ENGASE: variants seen among roughly 807,000 people sequenced by gnomAD.
The protein encoded by ENGASE is endo-beta-N-acetylglucosaminidase.
In ENGASE, 69 loss-of-function variants were observed where a neutral mutation model predicts 78.5. The ratio of observed to expected loss-of-function variants is 0.88; its 90% CI spans 0.72 to 1.07. The LOEUF is 1.07. Ranked by LOEUF, ENGASE falls within the 50% of genes least tolerant of loss-of-function variation. ENGASE has a pLI of 0.00. For missense variants in ENGASE, 943 were observed against 988.4 expected (o/e 0.95, Z 0.62); for synonymous variants, 408 against 408.9 (o/e 1.00, Z 0.03).
At position 79,079,659 on chromosome 17, in the gene ENGASE, C is replaced by T. The variant is rs73408697; in HGVS notation, c.565+22C>T. On this transcript the variant is annotated intron_variant, in intron 4 of 13. Coordinates refer to ENST00000579016, the MANE Select transcript of ENGASE (RefSeq NM_001042573.3). ...CTGGGTAAGAGCCAAGGACTCACCT[C>T]TGTGTCAGCCAGACTCCTCAGCTCA... is the stretch of plus-strand genomic sequence containing the variant. 1,242 of 1,606,060 alleles carry T rather than the reference C, an allele frequency of 7.7e-4. 15 individuals are homozygous for T. In the African/African-American group the frequency reaches 0.015, roughly 20 times the overall value.
Position 79,082,333 on chromosome 17 carries a change from C to T in ENGASE, c.1038+270C>T, listed in dbSNP as rs909464413. ...AGAGGCGCGTCGTTCCCCCGCTGTC[C>T]GGTCCTCGGCGGGCCTGGGCCTCCT... On this transcript the variant is annotated intron_variant, in intron 7 of 13. Transcript: ENST00000579016. 3.4e-4 allele frequency: 451 copies of T among 1,339,382 alleles called. 1 individual carries two copies. Among genetic ancestry groups the T allele is most frequent in the Non-Finnish European group, 4.1e-4 (424 of 1,034,290 alleles). The allele number at this position is 1,339,382 out of a possible 1,614,324, so 83.0% of individuals were successfully genotyped here. A position where few individuals can be genotyped will look rare whatever the true frequency, so the allele number is the denominator to read the frequency against.
chr17:79,086,828 C>A lies in ENGASE; in HGVS notation c.*479C>A, dbSNP rs1403438855. On this transcript the variant is annotated 3_prime_UTR_variant, in exon 14 of 14. Transcript: ENST00000579016. ...AGCATGAGGACGAGCTACAGCAGCT[C>A]CTGGGGTGGGGCTGCCTGCGGGATG... 6 of 419,362 alleles carry A rather than the reference C, an allele frequency of 1.4e-5. No individual in the cohort carries two copies. Among genetic ancestry groups the A allele is most frequent in the Non-Finnish European group, 2.4e-5 (5 of 207,990 alleles). 26.0% of individuals were successfully genotyped at this position (419,362 alleles called of 1,614,324 possible).
chr17:79,082,941 C>G, intron 7 of ENGASE, 79 bp from the exon 8 acceptor site: 4 of 1,584,958 alleles, frequency 2.5e-6, no homozygotes, highest in Non-Finnish European at 3.4e-6. Context: ...CCTGAGAGCC[C>G]CAACCCACGT....
chr17:79,080,390 C>A lies in ENGASE; in HGVS notation c.723+26C>A. On this transcript the variant is annotated intron_variant, in intron 5 of 13. Coordinates refer to ENST00000579016, the MANE Select transcript of ENGASE (RefSeq NM_001042573.3). ...GTGAGTGCCCAGCCCTCACCCACCT[C>A]CCCGCCCCTTGCTGTGTTGCCGCCC... is the stretch of plus-strand genomic sequence containing the variant. 2.5e-6 allele frequency: 4 copies of A among 1,607,876 alleles called. No individual in the cohort carries two copies. In the South Asian group the frequency reaches 4.4e-5, roughly 18 times the overall value.
At chr17:79,082,552 A>G (rs746125732) in intron 7 of ENGASE, 59 of 1,222,196 alleles carry the variant, frequency 4.8e-5, no homozygotes, top group Non-Finnish European at 5.9e-5. Flanking sequence ...GAGCGGGGCC[A>G]GGCCGGTGCC....
Position 79,080,969 on chromosome 17 carries a change from C to T in ENGASE, c.768C>T (p.Thr256=). Residue 256 remains threonine, a synonymous_variant, in exon 6 of 14, where the codon ACC becomes ACT. Transcript: ENST00000579016. ...GNMPPFLRYL[T]TQLHRQVPGG... ...TGCCTCCTTTCCTGCGGTACCTCAC[C>T]ACACAGCTGCACCGGCAGGTCCCAG... is the stretch of plus-strand genomic sequence containing the variant. 2 of 1,613,484 alleles carry T rather than the reference C, an allele frequency of 1.2e-6. No individual in the cohort carries two copies. Among genetic ancestry groups the T allele is most frequent in the Non-Finnish European group, 1.7e-6 (2 of 1,179,960 alleles).
rs1400016278 is a variant in ENGASE at position 79,077,812 on chromosome 17, A to T, written c.364A>T (p.Arg122Trp). ...TCGCCAGCCCCCTCTGAGCAGCCAG[A>T]GGCCCCGGACTTTGTTGTGTCATGA... The part of the protein sequence containing the change: ...ACRQPPLSSQ[R>W]PRTLLCHDMM... The change falls in exon 3 of 14, where the codon AGG (arginine) becomes TGG (tryptophan). Residue 122 changes from arginine to tryptophan, a missense_variant. Coordinates refer to ENST00000579016, the MANE Select transcript of ENGASE (RefSeq NM_001042573.3). 6.2e-7 allele frequency: 1 copy of T among 1,613,854 alleles called. No homozygotes were observed. The highest frequency in any genetic ancestry group is 8.5e-7 in the Non-Finnish European group (1 of 1,179,928).
chr17:79,076,071 G>A (rs2072960989), intron 1 of ENGASE, among the ~76,000 whole-genome samples: 1 of 152,200 alleles, frequency 6.6e-6, no homozygotes, highest in Non-Finnish European at 1.5e-5. Context: ...CATTCTGGAG[G>A]CCCTGGGTCA....
intron 7 of ENGASE, chr17:79,082,392 G>T: frequency 8.0e-7 from 1 of 1,254,182 alleles, no homozygotes; most frequent in Non-Finnish European, 1.0e-6. Context: ...TCCCCGTGAG[G>T]GAAGCCTGCG....
Position 79,084,631 on chromosome 17 carries a change from G to A in ENGASE, c.1536G>A (p.Glu512=). 6.2e-7 allele frequency: 1 copy of A among 1,613,182 alleles called. No individual in the cohort carries two copies. The highest frequency in any genetic ancestry group is 8.5e-7 in the Non-Finnish European group (1 of 1,179,726). The change falls in exon 11 of 14, where the codon GAG becomes GAA. Residue 512 remains glutamate, a synonymous_variant. Transcript: ENST00000579016. ...EGPTDVTVAL[E]LTTGDAGSCH... ...CCACGGACGTCACAGTTGCTTTGGA[G>A]CTGACCACAGGGGATGCCGGCAGCT...
At position 79,087,443 on chromosome 17, in the gene ENGASE, C is replaced by A. The variant is rs569295672; in HGVS notation, c.*1094C>A. ...TCCTTCCTGCTCTTTCTTCTCTGCC[C>A]AGGCCGCTGCAGCTGCACAGCCTCT... On this transcript the variant is annotated 3_prime_UTR_variant, in exon 14 of 14. Coordinates refer to ENST00000579016, the MANE Select transcript of ENGASE (RefSeq NM_001042573.3). 1.8e-3 allele frequency: 376 copies of A among 204,572 alleles called. 3 individuals carry two copies. Among genetic ancestry groups the A allele is most frequent in the African/African-American group, 8.3e-3 (364 of 43,668 alleles). The allele number at this position is 204,572 out of a possible 1,614,324, so 12.7% of individuals were successfully genotyped here.
At position 79,081,032 on chromosome 17, in the gene ENGASE, T is replaced by C. The variant is rs760777164; in HGVS notation, c.831T>C (p.Ser277=). Residue 277 remains serine, a synonymous_variant, in exon 6 of 14, where the codon AGT becomes AGC. Coordinates refer to ENST00000579016, the MANE Select transcript of ENGASE (RefSeq NM_001042573.3). ...TCTGGTATGACAGCGTGGTGCAAAGTGGGCAGCTCAAATGGCAAGACGAAC... is the reference window on the plus strand; with the variant it reads ...TCTGGTATGACAGCGTGGTGCAAAGCGGGCAGCTCAAATGGCAAGACGAAC... ...LVLWYDSVVQ[S]GQLKWQDELN... 2 of 1,540,922 alleles carry C rather than the reference T, an allele frequency of 1.3e-6. No homozygotes were observed. Among genetic ancestry groups the C allele is most frequent in the Admixed American group, 1.8e-5 (1 of 56,630 alleles).
chr17:79,075,200 T>G, intron 1 of ENGASE, 110 bp downstream of exon 1: 2 of 1,142,644 alleles, frequency 1.8e-6, no homozygotes, highest in Non-Finnish European at 2.2e-6. Flanking sequence ...GGCCGGCGCC[T>G]GTGTCCGCTC....
At chr17:79,080,581 C>T (rs118088738) in intron 5 of ENGASE, among the ~76,000 whole-genome samples, 7,681 of 152,302 alleles carry the variant, frequency 0.05, 256 homozygotes, top group Non-Finnish European at 0.073. Flanking sequence ...CGTGCTTGGC[C>T]GGCTCCCACG....
At chr17:79,081,765 G>C in intron 6 of ENGASE, 133 bp from the exon 7 acceptor site, 1 of 1,083,640 alleles carries the variant, frequency 9.2e-7, no homozygotes, top group Non-Finnish European at 1.3e-6. Flanking sequence ...GTGGGGTGGG[G>C]TGGGGTGGGG....
intron 4 of ENGASE, 109 bp downstream of exon 4, chr17:79,079,746 C>G (rs903759741): frequency 2.0e-5 from 29 of 1,428,302 alleles, no homozygotes; most frequent in African/African-American, 2.9e-5. Context: ...TGCCCAGAGC[C>G]CCTCGCTGGG....
chr17:79,079,434 C>T (rs2073060215), intron 3 of ENGASE, 55 bp from the exon 4 acceptor site: 2 of 1,576,712 alleles, frequency 1.3e-6, no homozygotes, highest in Admixed American at 1.8e-5. Context: ...TGCCAAAGTG[C>T]TGGGAATAAA....
intron 5 of ENGASE, 112 bp downstream of exon 5, chr17:79,080,476 C>A: frequency 7.9e-7 from 1 of 1,273,166 alleles, no homozygotes; most frequent in Non-Finnish European, 1.1e-6. Context: ...CAGGTTGCAG[C>A]AGTAAGAGCC....
intron 5 of ENGASE, 92 bp from the exon 6 acceptor site, chr17:79,080,833 T>C (rs1158423499): frequency 1.1e-5 from 17 of 1,490,926 alleles, no homozygotes; most frequent in Non-Finnish European, 1.5e-5. Flanking sequence ...GTCTGTTTGC[T>C]CTGCATCCCC....
Sources: allele counts gnomAD v4.1 joint callset (sites outside exome capture counted in the v4.1 genomes callset), GRCh38; gene constraint gnomAD v4.1.1; transcripts MANE v1.5; gene names NCBI Gene and HGNC (gene_info 2026-07-23, HGNC 2026-07-21).